The following RELN variants were observed in gnomAD, a reference collection of about 807,000 sequenced individuals.
The protein encoded by RELN is reelin.
In RELN, 108 loss-of-function variants were observed where a neutral mutation model predicts 427.6. That is an observed-to-expected ratio of 0.25 (90% CI 0.22 to 0.30). The LOEUF (loss-of-function observed/expected upper bound fraction) is 0.30, where lower values mean the gene tolerates loss of function less well. Among genes scored for constraint, RELN ranks in the 10% least tolerant of loss-of-function variants. The probability of loss-of-function intolerance (pLI) is 1.00; values close to 1 mark genes in which losing one functional copy is unlikely to be tolerated. For synonymous variants in RELN, 1,524 were observed against 1,513.4 expected (o/e 1.01, Z -0.16); for missense variants, 3,715 against 4,302.8 (o/e 0.86, Z 3.82).
intron 10 of RELN, among the ~76,000 whole-genome samples, chr7:103,689,199 T>G (rs1833822026): frequency 6.6e-6 from 1 of 152,062 alleles, no homozygotes; most frequent in Non-Finnish European, 1.5e-5. Context: ...TTGACATAAA[T>G]GTGTAGAAAA....
chr7:103,905,928 G>A (rs1212593603), intron 2 of RELN, among the ~76,000 whole-genome samples: 2 of 152,072 alleles, frequency 1.3e-5, no homozygotes, highest in Non-Finnish European at 2.9e-5. Context: ...AAGTATGGAA[G>A]GGGGCCCTAA....
rs185225759 is a variant in RELN at position 103,482,745 on chromosome 7, T to C, written c.10280+128A>G. ...TATAGCTTGCAGTTGCAAAAGAGTG[T>C]AAGCCAAAGTGCTCCTGTGGGGGCT... On this transcript the variant is annotated intron_variant, in intron 63 of 64. Coordinates refer to ENST00000428762, the MANE Select transcript of RELN (RefSeq NM_005045.4). 178 of 1,547,588 alleles carry C rather than the reference T, an allele frequency of 1.2e-4. No individual in the cohort carries two copies. The African/African-American group carries it at 2.3e-3, about 20-fold the overall frequency.
chr7:103,531,541 G>A (rs1265163175), intron 46 of RELN, among the ~76,000 whole-genome samples: 1 of 152,154 alleles, frequency 6.6e-6, no homozygotes, highest in East Asian at 1.9e-4. Flanking sequence ...TCAAAGACCA[G>A]GGAGTCATCT....
At chr7:103,923,923 G>T (rs1001584020) in intron 1 of RELN, among the ~76,000 whole-genome samples, 1 of 152,078 alleles carries the variant, frequency 6.6e-6, no homozygotes, top group Non-Finnish European at 1.5e-5. Flanking sequence ...TCTTTTATAG[G>T]TATTAATCTT....
intron 10 of RELN, among the ~76,000 whole-genome samples, chr7:103,682,679 C>T (rs1176680118): frequency 6.6e-6 from 1 of 152,174 alleles, no homozygotes; most frequent in African/African-American, 2.4e-5. Context: ...CCATTCAAGT[C>T]TTTCACAATT....
chr7:103,861,590 C>T (rs535286892), intron 2 of RELN, among the ~76,000 whole-genome samples: 1 of 152,264 alleles, frequency 6.6e-6, no homozygotes, highest in South Asian at 2.1e-4. Context: ...AACCTGTTTA[C>T]ATTCCAAAGC....
chr7:103,535,727 AAAG>A (rs1378474927), intron 45 of RELN, among the ~76,000 whole-genome samples: 1 of 17,284 alleles, frequency 5.8e-5, no homozygotes. Context: ...AGTGAAACAT[AAAG>A]TAAATGTTTG....
intron 61 of RELN, chr7:103,484,674 CT>C (rs1225826960): frequency 6.6e-6 from 1 of 152,184 alleles, no homozygotes; most frequent in Non-Finnish European, 1.5e-5. Flanking sequence ...AAGATGTATC[CT>C]CTTTTCATGA....
In RELN at chr7:103,741,852, C is replaced by A. The variant is rs573824678; in HGVS notation, c.656+7574G>T. ...GAATAGGAACAGCTCCGGTCTACAG[C>A]TCCCAGCGTGAGCGACGCAGAAGAT... On this transcript the variant is annotated intron_variant, in intron 6 of 64. Transcript: ENST00000428762. Among the ~76,000 whole-genome samples the A allele has an allele frequency of 5.3e-5, 8 of 152,304 alleles. No individual in the cohort carries two copies. In the South Asian group the frequency reaches 1.2e-3, roughly 24 times the overall value.
chr7:103,521,275 G>A (rs968382504), intron 48 of RELN, among the ~76,000 whole-genome samples: 2 of 152,050 alleles, frequency 1.3e-5, no homozygotes, highest in African/African-American at 2.4e-5. Context: ...CACCGCGCCC[G>A]GCCAAATTTG....
chr7:103,539,321 T>C lies in RELN; in HGVS notation c.6937A>G (p.Ile2313Val). The C allele has an allele frequency of 6.2e-7, 1 of 1,613,896 alleles. No homozygotes were observed. The highest frequency in any genetic ancestry group is 8.5e-7 in the Non-Finnish European group (1 of 1,179,756). ...YSPWVIDQIL[I>V]GGNISGNTVL... ...GTATTACCAGAAATATTTCCTCCAA[T>C]AAGAATCTGAAATGTATTTTTAAAA... Residue 2313 changes from isoleucine to valine, a missense_variant, in exon 45 of 65, where the codon ATT (isoleucine) becomes GTT (valine). By Grantham distance (29) the Ile-to-Val change is conservative. Transcript: ENST00000428762.
intron 63 of RELN, 109 bp downstream of exon 63, chr7:103,482,763 TG>T: frequency 6.4e-7 from 1 of 1,573,294 alleles, no homozygotes. Flanking sequence ...AGTGCTCCTG[TG>T]GGGGCTTCTC....
chr7:103,493,912 C>A (rs930958829), intron 57 of RELN, among the ~76,000 whole-genome samples: 2 of 152,114 alleles, frequency 1.3e-5, no homozygotes, highest in Non-Finnish European at 2.9e-5. Context: ...AGGATAGACT[C>A]TCTTTTTTTC....
intron 8 of RELN, among the ~76,000 whole-genome samples, chr7:103,708,825 C>A (rs1789712518): frequency 6.6e-6 from 1 of 152,168 alleles, no homozygotes; most frequent in Non-Finnish European, 1.5e-5. Flanking sequence ...TCACGCCCCT[C>A]AGAGGCCTTA....
chr7:103,899,271 A>T (rs949177408), intron 2 of RELN, among the ~76,000 whole-genome samples: 1 of 152,130 alleles, frequency 6.6e-6, no homozygotes, highest in Admixed American at 6.6e-5. Flanking sequence ...ATAAACCACA[A>T]ACAAGTTCTG....
chr7:103,620,663 G>A lies in RELN; in HGVS notation c.2703-8860C>T. On this transcript the variant is annotated intron_variant, in intron 20 of 64. Transcript: ENST00000428762. The surrounding 1 kb of genome is among the most constrained non-coding windows in gnomAD (Gnocchi z 4.1). ...TAATTTCTGTATTTTTAGTAGAGAT[G>A]AGGTTCCATCATGTTGGCCAGGCTG... Among the ~76,000 whole-genome samples, 1 of 151,916 alleles carries A rather than the reference G, an allele frequency of 6.6e-6. No homozygotes were observed. Among genetic ancestry groups the A allele is most frequent in the Admixed American group, 6.6e-5 (1 of 15,242 alleles).
intron 4 of RELN, among the ~76,000 whole-genome samples, chr7:103,760,987 T>C (rs548208500): frequency 6.6e-6 from 1 of 150,806 alleles, no homozygotes; most frequent in South Asian, 2.1e-4. Context: ...AAATTTAGAG[T>C]GAAAACAGTT....
intron 4 of RELN, among the ~76,000 whole-genome samples, chr7:103,755,360 G>A (rs1430602421): frequency 6.6e-6 from 1 of 151,984 alleles, no homozygotes; most frequent in Non-Finnish European, 1.5e-5. Context: ...TGTAATCCCA[G>A]CACTTTGGGA....
chr7:103,538,543 C>T lies in RELN; in HGVS notation c.7180+535G>A, dbSNP rs567471586. On this transcript the variant is annotated intron_variant, in intron 45 of 64. Coordinates refer to ENST00000428762, the MANE Select transcript of RELN (RefSeq NM_005045.4). ...GTGGCCTGGAATGTGCTATGATCCA[C>T]GGTGGCAAAAAATATAGGCAAAATG... Among the ~76,000 whole-genome samples the T allele has an allele frequency of 3.1e-4, 47 of 152,004 alleles. 1 individual carries two copies. Among genetic ancestry groups the T allele is most frequent in the African/African-American group, 1.0e-3 (43 of 41,446 alleles).
Sources: gnomAD v4.1 joint callset for allele counts (sites outside exome capture counted in the v4.1 genomes callset) on GRCh38, gnomAD v4.1.1 for gene constraint, Gnocchi (gnomAD v3.1) non-coding constraint, MANE v1.5 for transcripts, NCBI Gene and HGNC (gene_info 2026-07-23, HGNC 2026-07-21) for gene names.